DUSP15: variants seen among roughly 807,000 people sequenced by gnomAD.
The protein encoded by DUSP15 is dual specificity protein phosphatase 15.
DUSP15 carries 23 observed loss-of-function variants against 26.3 expected under a neutral mutation model. That is an observed-to-expected ratio of 0.87 (90% CI 0.63 to 1.24). The LOEUF is 1.24. DUSP15 is among the 50% of genes most tolerant of loss of function. The pLI, the probability that DUSP15 is intolerant of heterozygous loss-of-function variation, is 0.00. For synonymous variants in DUSP15, 143 were observed against 135.5 expected (o/e 1.06, Z -0.39); for missense variants, 364 against 320.6 (o/e 1.14, Z -1.03).
At chr20:31,848,258 G>C in exon 10 of DUSP15, 3 of 894,116 alleles carry the variant, frequency 3.4e-6, no homozygotes. Flanking sequence ...CGAGTTCCGG[G>C]GCCCCGTGAC....
intron 4 of DUSP15, 134 bp from the exon 5 acceptor site, chr20:31,864,115 A>G: frequency 1.3e-6 from 2 of 1,495,886 alleles, no homozygotes; most frequent in African/African-American, 2.8e-5. Context: ...ACATGCAGTG[A>G]ATATGGGCCA....
intron 9 of DUSP15, chr20:31,848,723 T>G: frequency 1.3e-6 from 2 of 1,500,880 alleles, no homozygotes; most frequent in South Asian, 2.5e-5. Context: ...GAGGCAGAGC[T>G]GGGACTGGAG....
chr20:31,861,176 C>G lies in DUSP15; in HGVS notation c.*227G>C. 1 of 1,340,676 alleles carries G rather than the reference C, an allele frequency of 7.5e-7. No homozygotes were observed. The highest frequency in any genetic ancestry group is 9.5e-7 in the Non-Finnish European group (1 of 1,052,766). 83.0% of individuals were successfully genotyped at this position (1,340,676 alleles called of 1,614,324 possible). On this transcript the variant is annotated 3_prime_UTR_variant, in exon 7 of 7. Transcript: ENST00000339738. The stretch of plus-strand genomic sequence containing the variant: ...TAAGGGTGGGCCCCCTCCCCCAGCC[C>G]AAGGACTAAGGCACCAGGTGGCTGC...
At chr20:31,859,156 G>T (rs142362515), downstream of DUSP15, among the ~76,000 whole-genome samples, 15 of 152,262 alleles carry the variant, frequency 9.9e-5, no homozygotes, top group East Asian at 3.9e-4. Context: ...GAGCCAAAAT[G>T]TGTCTCTCTG....
downstream of DUSP15, among the ~76,000 whole-genome samples, chr20:31,860,041 C>T (rs1263503258): frequency 6.6e-6 from 1 of 152,250 alleles, no homozygotes; most frequent in Non-Finnish European, 1.5e-5. Context: ...AAACGGTCCA[C>T]TCCCTCACCA....
chr20:31,870,394 G>A lies in DUSP15; in HGVS notation c.-57C>T. The A allele has an allele frequency of 1.6e-6, 2 of 1,284,542 alleles. No homozygotes were observed. Among genetic ancestry groups the A allele is most frequent in the South Asian group, 3.3e-5 (1 of 30,554 alleles). The allele number at this position is 1,284,542 out of a possible 1,614,324, so 79.6% of individuals were successfully genotyped here. A position where few individuals can be genotyped will look rare whatever the true frequency, so the allele number is the denominator to read the frequency against. On this transcript the variant is annotated 5_prime_UTR_variant, in exon 1 of 7. Transcript: ENST00000339738. This position sits in a 1 kb window ranked among gnomAD's most constrained non-coding sequence, Gnocchi z 6.6. ...CAGCTCGCCGCCCGGGAAGCGATCCGGTCACAGCTGCCCTGACGGCCCAGG... is the reference window on the plus strand; with the variant it reads ...CAGCTCGCCGCCCGGGAAGCGATCCAGTCACAGCTGCCCTGACGGCCCAGG...
downstream of DUSP15, among the ~76,000 whole-genome samples, chr20:31,860,860 G>A (rs765488971): frequency 2.0e-5 from 3 of 152,288 alleles, no homozygotes; most frequent in South Asian, 6.2e-4. Flanking sequence ...TGGCTTTGGG[G>A]GAGGGGAGAT....
exon 10 of DUSP15, chr20:31,848,088 T>G (rs2062396887): frequency 2.9e-6 from 1 of 340,800 alleles, no homozygotes. Context: ...CAACAGCAGG[T>G]TAAGGCTGGC....
intron 1 of DUSP15, chr20:31,869,945 A>G: frequency 7.4e-7 from 1 of 1,350,890 alleles, no homozygotes; most frequent in Non-Finnish European, 9.5e-7. Context: ...GCAGAAAGGC[A>G]ATGACAGGCA....
At chr20:31,864,244 C>T in intron 4 of DUSP15, 1 of 1,217,238 alleles carries the variant, frequency 8.2e-7, no homozygotes. Flanking sequence ...CTCCTGTGGA[C>T]CCTGTTTTCA....
chr20:31,864,966 G>A lies in DUSP15; in HGVS notation c.175C>T (p.Pro59Ser). Residue 59 changes from proline (P) to serine (S), a missense_variant, in exon 4 of 7, where the codon CCT (proline) becomes TCT (serine). Coordinates refer to ENST00000339738, the MANE Select transcript of DUSP15 (RefSeq NM_080611.5). ...AGGGGAACTTACATGGGTACCTCAG[G>A]GGTATCAGCGACCGGGATGCGAAGG... ...TYLRIPVADT[P>S]EVPIKKHFKE... 2 of 1,614,076 alleles carry A rather than the reference G, an allele frequency of 1.2e-6. No individual in the cohort carries two copies. The highest frequency in any genetic ancestry group is 1.7e-6 in the Non-Finnish European group (2 of 1,179,980).
intron 2 of DUSP15, among the ~76,000 whole-genome samples, chr20:31,868,355 G>A (rs1420094542): frequency 7.9e-5 from 12 of 152,276 alleles, no homozygotes; most frequent in Middle Eastern, 3.4e-3. Flanking sequence ...TGAAGCACCT[G>A]AGCCCCTCCC....
intron 8 of DUSP15, chr20:31,848,937 A>T: frequency 6.4e-7 from 1 of 1,561,390 alleles, no homozygotes; most frequent in East Asian, 2.3e-5. Context: ...CGACACTGAG[A>T]CTATAGGGAC....
downstream of DUSP15, among the ~76,000 whole-genome samples, chr20:31,857,972 AT>A (rs569683301): frequency 1.4e-3 from 213 of 152,266 alleles, no homozygotes; most frequent in African/African-American, 4.8e-3. Context: ...GCCTTGGCTG[AT>A]TGTTTTAAGA....
chr20:31,860,926 GGGT>G, downstream of DUSP15: 1 of 930,790 alleles, frequency 1.1e-6, no homozygotes, highest in African/African-American at 1.8e-5. Context: ...AGTTGCGGGA[GGGT>G]GGTGGGCTCC....
chr20:31,858,066 C>T (rs1398824257), downstream of DUSP15, among the ~76,000 whole-genome samples: 1 of 152,192 alleles, frequency 6.6e-6, no homozygotes, highest in African/African-American at 2.4e-5. The surrounding 1 kb of genome is among the most constrained non-coding windows in gnomAD (Gnocchi z 4.4). Flanking sequence ...ACAAGGCTAT[C>T]CGTCAGTCTC....
chr20:31,858,607 G>A (rs1373259652), downstream of DUSP15, among the ~76,000 whole-genome samples: 1 of 152,236 alleles, frequency 6.6e-6, no homozygotes. The surrounding 1 kb of genome is among the most constrained non-coding windows in gnomAD (Gnocchi z 4.4). Flanking sequence ...ACCCACGCAA[G>A]TGGGGTAGCC....
downstream of DUSP15, among the ~76,000 whole-genome samples, chr20:31,846,136 A>G (rs2062374444): frequency 7.2e-6 from 1 of 138,706 alleles, no homozygotes; most frequent in Non-Finnish European, 1.5e-5. Flanking sequence ...AGACACAGAC[A>G]CACACACAGA....
intron 1 of DUSP15, 45 bp from the exon 2 acceptor site, chr20:31,869,642 C>T (rs1022322217): frequency 1.2e-6 from 2 of 1,608,060 alleles, no homozygotes; most frequent in Non-Finnish European, 1.7e-6. Context: ...GGGCTGCACC[C>T]CCTTCCACCC....
Sources: gnomAD v4.1 joint callset for allele counts (sites outside exome capture counted in the v4.1 genomes callset) on GRCh38, gnomAD v4.1.1 for gene constraint, Gnocchi (gnomAD v3.1) non-coding constraint, MANE v1.5 for transcripts, NCBI Gene and HGNC (gene_info 2026-07-23, HGNC 2026-07-21) for gene names.